Variants in HDAC8 observed in about 807,000 individuals in gnomAD.
HDAC8 encodes histone deacetylase-like 1.
HDAC8 carries 1 observed loss-of-function variant against 32.2 expected under a neutral mutation model. The observed-to-expected ratio is 0.03, with a 90% confidence interval of 0.01 to 0.15. The LOEUF (loss-of-function observed/expected upper bound fraction) is 0.15, where lower values mean the gene tolerates loss of function less well. Among genes scored for constraint, HDAC8 ranks in the 10% least tolerant of loss-of-function variants. The pLI, the probability that HDAC8 is intolerant of heterozygous loss-of-function variation, is 1.00. For missense variants in HDAC8, 117 were observed against 300.0 expected, an observed-to-expected ratio of 0.39 and a Z score of 4.51; for synonymous variants, 108 against 113.9, an observed-to-expected ratio of 0.95 and a Z score of 0.33.
chrX:72,455,061 G>T lies in HDAC8; in HGVS notation c.1005+6943C>A, dbSNP rs781990133. Among the ~76,000 whole-genome samples the T allele has an allele frequency of 2.7e-5, 3 of 112,257 alleles. No homozygotes were observed. The East Asian group carries it at 8.4e-4, about 31-fold the overall frequency. ...TCAGCACTAACTAATCTTTGAAGAC[G>T]ATCTTCTTTTATGTGAATGGTTGGC... On this transcript the variant is annotated intron_variant, in intron 9 of 10. Transcript: ENST00000373573.
rs377445224 is a variant in HDAC8 at position 72,362,241 on chromosome X, T to C, written c.1006-10403A>G. ...TGCATTCTTGCTCTGAGAGTTCATG[T>C]CACATTTGTTGTTAAAAGAGTCAGG... On this transcript the variant is annotated intron_variant, in intron 9 of 10. Transcript: ENST00000373573. Among the ~76,000 whole-genome samples, 5 of 111,174 alleles carry C rather than the reference T, an allele frequency of 4.5e-5. No homozygotes were observed. The East Asian group carries it at 1.1e-3, about 25-fold the overall frequency.
chrX:72,570,974 G>C (rs1385178716), intron 2 of HDAC8, among the ~76,000 whole-genome samples: 1 of 112,045 alleles, frequency 8.9e-6, no homozygotes, highest in Non-Finnish European at 1.9e-5. Flanking sequence ...ACCCAGGCTG[G>C]GGTGCAGTGG....
chrX:72,361,519 C>G (rs1179199335), intron 9 of HDAC8, among the ~76,000 whole-genome samples: 2 of 110,934 alleles, frequency 1.8e-5, no homozygotes, highest in African/African-American at 6.6e-5. Context: ...ATATTAACAT[C>G]TTATTTCATT....
At chrX:72,410,101 A>C (rs1484728751) in intron 9 of HDAC8, among the ~76,000 whole-genome samples, 1 of 110,984 alleles carries the variant, frequency 9.0e-6, no homozygotes, top group Non-Finnish European at 1.9e-5. Flanking sequence ...CAAAGGCTAA[A>C]GATTGAAGGT....
At chrX:72,430,808 G>C (rs2046792920) in intron 9 of HDAC8, among the ~76,000 whole-genome samples, 1 of 112,089 alleles carries the variant, frequency 8.9e-6, no homozygotes, top group Non-Finnish European at 1.9e-5. Context: ...CCATGTGTTA[G>C]TTTTTCTGTG....
intron 9 of HDAC8, among the ~76,000 whole-genome samples, chrX:72,365,540 T>C (rs1369974431): frequency 5.4e-5 from 6 of 111,121 alleles, no homozygotes. Context: ...TGGGAGGCAA[T>C]TGAACTGGCC....
At chrX:72,403,447 T>TCATA (rs1240423502) in intron 9 of HDAC8, among the ~76,000 whole-genome samples, 7 of 112,139 alleles carry the variant, frequency 6.2e-5, no homozygotes, top group Admixed American at 5.7e-4. Context: ...GATATTATTG[T>TCATA]CATACATACA....
At chrX:72,548,550 A>G (rs1179447477) in intron 4 of HDAC8, among the ~76,000 whole-genome samples, 2 of 111,723 alleles carry the variant, frequency 1.8e-5, no homozygotes, top group African/African-American at 6.5e-5. Context: ...GCCTTCTGGA[A>G]TACCCCTACC....
At position 72,526,741 on chromosome X, in the gene HDAC8, G is replaced by A. The variant is rs188349934; in HGVS notation, c.438-31473C>T. ...TGACCAATGATGACATCATTATCAC[G>A]CCCTGAAACCCACTCTTCCTCCTGT... On this transcript the variant is annotated intron_variant, in intron 4 of 10. Coordinates refer to ENST00000373573, the MANE Select transcript of HDAC8 (RefSeq NM_018486.3). 6.3e-5 allele frequency among the ~76,000 whole-genome samples: 7 copies of A among 111,138 alleles called. No homozygotes were observed. In the East Asian group the frequency reaches 1.1e-3, roughly 18 times the overall value.
At chrX:72,379,489 T>C (rs1391492696) in intron 9 of HDAC8, among the ~76,000 whole-genome samples, 19 of 97,185 alleles carry the variant, frequency 2.0e-4, no homozygotes, top group Non-Finnish European at 1.2e-4. Context: ...ATTTGTTTAG[T>C]GTTTTTTTTT....
intron 9 of HDAC8, among the ~76,000 whole-genome samples, chrX:72,443,317 GA>G (rs1379803966): frequency 1.8e-5 from 2 of 110,354 alleles, no homozygotes; most frequent in Non-Finnish European, 3.8e-5. Context: ...TAAAAGAACA[GA>G]AATTATAACA....
At chrX:72,332,674 C>A (rs1229011816) in intron 10 of HDAC8, among the ~76,000 whole-genome samples, 2 of 106,885 alleles carry the variant, frequency 1.9e-5, no homozygotes, top group Non-Finnish European at 3.8e-5. Context: ...TTTTTTGAGA[C>A]ACAGTCTCAC....
intron 4 of HDAC8, among the ~76,000 whole-genome samples, chrX:72,512,249 C>T (rs2049612765): frequency 9.0e-6 from 1 of 110,939 alleles, no homozygotes; most frequent in Non-Finnish European, 1.9e-5. Flanking sequence ...TCCTGTGATG[C>T]TTCAGTCTCA....
At chrX:72,464,856 A>G in intron 7 of HDAC8, 125 bp from the exon 8 acceptor site, 4 of 456,631 alleles carry the variant, frequency 8.8e-6, no homozygotes, top group Non-Finnish European at 1.5e-5. Flanking sequence ...CAACCTGTCA[A>G]ACTCATCAAA....
At chrX:72,341,168 C>T (rs1555944974) in intron 10 of HDAC8, among the ~76,000 whole-genome samples, 1 of 111,747 alleles carries the variant, frequency 8.9e-6, no homozygotes, top group African/African-American at 3.3e-5. Flanking sequence ...TCCTCTGGCC[C>T]AGCTCCCCTC....
intron 9 of HDAC8, among the ~76,000 whole-genome samples, chrX:72,460,407 G>T (rs782463861): frequency 9.0e-6 from 1 of 111,456 alleles, no homozygotes; most frequent in Non-Finnish European, 1.9e-5. Flanking sequence ...CAAAGTGCTG[G>T]GATTACAGCT....
intron 9 of HDAC8, among the ~76,000 whole-genome samples, chrX:72,383,693 A>G (rs2045331859): frequency 9.1e-6 from 1 of 109,603 alleles, no homozygotes; most frequent in East Asian, 2.9e-4. Flanking sequence ...ACACAGTGAA[A>G]CCCCGTCTCT....
At chrX:72,539,023 G>A (rs1379892164) in intron 4 of HDAC8, among the ~76,000 whole-genome samples, 1 of 111,592 alleles carries the variant, frequency 9.0e-6, no homozygotes, top group Non-Finnish European at 1.9e-5. Flanking sequence ...TGGTGTCCTA[G>A]TGGGATCTGG....
chrX:72,330,111 G>A (rs2043474400), intron 10 of HDAC8, 35 bp from the exon 11 acceptor site: 1 of 1,147,945 alleles, frequency 8.7e-7, no homozygotes, highest in African/African-American at 1.8e-5. Context: ...TTCAAAGTCA[G>A]GTAATGTATG....
Sources: gnomAD v4.1 joint callset for allele counts (sites outside exome capture counted in the v4.1 genomes callset) on GRCh38, gnomAD v4.1.1 for gene constraint, MANE v1.5 for transcripts, NCBI Gene and HGNC (gene_info 2026-07-23, HGNC 2026-07-21) for gene names.